Variants in SLC35F3 observed in about 807,000 individuals in gnomAD.
The protein encoded by SLC35F3 is putative thiamine transporter SLC35F3.
SLC35F3 carries 25 observed loss-of-function variants against 49.9 expected under a neutral mutation model. That is an observed-to-expected ratio of 0.50 (90% CI 0.37 to 0.70). The LOEUF (loss-of-function observed/expected upper bound fraction) is 0.70. Among genes scored for constraint, SLC35F3 ranks in the 30% least tolerant of loss-of-function variants. The pLI, the probability that SLC35F3 is intolerant of heterozygous loss-of-function variation, is 0.00. For synonymous variants in SLC35F3, 275 were observed against 265.4 expected (o/e 1.04, Z -0.35); for missense variants, 525 against 639.8 (o/e 0.82, Z 1.94).
intron 4 of SLC35F3, among the ~76,000 whole-genome samples, chr1:234,310,923 C>A (rs939452363): frequency 1.3e-5 from 2 of 152,182 alleles, no homozygotes; most frequent in African/African-American, 4.8e-5. Context: ...CAACCCCCCA[C>A]CCAAGAGTCA....
intron 2 of SLC35F3, among the ~76,000 whole-genome samples, chr1:233,921,450 T>C (rs1662057709): frequency 6.6e-6 from 1 of 152,186 alleles, no homozygotes; most frequent in Non-Finnish European, 1.5e-5. Flanking sequence ...ACACATTCTA[T>C]GGCTTTCTAC....
intron 2 of SLC35F3, among the ~76,000 whole-genome samples, chr1:234,082,644 C>T (rs1664896143): frequency 6.6e-6 from 1 of 152,046 alleles, no homozygotes; most frequent in Non-Finnish European, 1.5e-5. Flanking sequence ...AAGACATACC[C>T]AAGACTGGGT....
At chr1:234,273,728 G>T (rs1668149602) in intron 3 of SLC35F3, among the ~76,000 whole-genome samples, 1 of 152,136 alleles carries the variant, frequency 6.6e-6, no homozygotes, top group South Asian at 2.1e-4. Flanking sequence ...GAAGGAATCG[G>T]GGGCATCTGA....
chr1:234,028,231 G>A (rs576389300), intron 2 of SLC35F3, among the ~76,000 whole-genome samples: 12 of 152,306 alleles, frequency 7.9e-5, no homozygotes, highest in Admixed American at 5.2e-4. Flanking sequence ...CTGTGCCCCC[G>A]ATCCAGCTTC....
chr1:234,258,310 T>G (rs1667852219), intron 3 of SLC35F3, among the ~76,000 whole-genome samples: 1 of 152,126 alleles, frequency 6.6e-6, no homozygotes, highest in Non-Finnish European at 1.5e-5. Flanking sequence ...TCAATATGAG[T>G]CACAGGTCCA....
chr1:234,232,986 T>C (rs1667409640), intron 3 of SLC35F3, among the ~76,000 whole-genome samples: 1 of 152,194 alleles, frequency 6.6e-6, no homozygotes, highest in African/African-American at 2.4e-5. Flanking sequence ...GGAGCTTGAA[T>C]AGAATCACAT....
chr1:234,276,883 A>T (rs941917227), intron 3 of SLC35F3, among the ~76,000 whole-genome samples: 1 of 152,194 alleles, frequency 6.6e-6, no homozygotes, highest in Non-Finnish European at 1.5e-5. Context: ...CCTTGCTATA[A>T]ATAACATTTG....
intron 2 of SLC35F3, among the ~76,000 whole-genome samples, chr1:234,184,350 A>G (rs1267660403): frequency 3.3e-5 from 5 of 152,176 alleles, no homozygotes; most frequent in Admixed American, 6.5e-5. Context: ...TCAGTATTCA[A>G]ACTATTTTAT....
At chr1:234,130,499 CGTG>C (rs1184058668) in intron 2 of SLC35F3, among the ~76,000 whole-genome samples, 1 of 149,512 alleles carries the variant, frequency 6.7e-6, no homozygotes, top group African/African-American at 2.5e-5. Flanking sequence ...ATTAGCCAGG[CGTG>C]GTGGCGAGCA....
intron 2 of SLC35F3, among the ~76,000 whole-genome samples, chr1:234,053,833 C>A (rs1341947174): frequency 6.6e-6 from 1 of 152,134 alleles, no homozygotes; most frequent in Non-Finnish European, 1.5e-5. Flanking sequence ...GTAAGGCAGG[C>A]CTGGTGGTGA....
intron 2 of SLC35F3, among the ~76,000 whole-genome samples, chr1:234,074,293 C>G (rs1383405095): frequency 6.6e-6 from 1 of 152,338 alleles, no homozygotes; most frequent in East Asian, 1.9e-4. Context: ...TCTGGACCCA[C>G]TTCTTTCTCT....
chr1:234,222,531 A>G (rs1667222269), intron 2 of SLC35F3, among the ~76,000 whole-genome samples: 2 of 152,182 alleles, frequency 1.3e-5, no homozygotes, highest in South Asian at 4.1e-4. Flanking sequence ...TTAGAGGACC[A>G]GAGATGCCAT....
At chr1:234,077,665 A>T (rs1293591662) in intron 2 of SLC35F3, among the ~76,000 whole-genome samples, 2 of 152,150 alleles carry the variant, frequency 1.3e-5, no homozygotes, top group East Asian at 3.8e-4. Context: ...GCTACCACGG[A>T]TCAGGCACCC....
intron 3 of SLC35F3, among the ~76,000 whole-genome samples, chr1:234,237,025 A>G (rs112267037): frequency 0.022 from 3,275 of 147,740 alleles, 58 homozygotes; most frequent in Non-Finnish European, 0.037. Context: ...CTGTGAAGAC[A>G]GGGCACAGTA....
chr1:234,134,894 G>A (rs925530490), intron 2 of SLC35F3, among the ~76,000 whole-genome samples: 8 of 152,110 alleles, frequency 5.3e-5, no homozygotes. Context: ...GATAATTTTT[G>A]TATTTTTAGT....
At chr1:234,108,327 T>TTTATATATATGATATA (rs68094851) in intron 2 of SLC35F3, among the ~76,000 whole-genome samples, 1 of 122,516 alleles carries the variant, frequency 8.2e-6, no homozygotes, top group African/African-American at 3.1e-5. Context: ...AAGATATATA[T>TTTATATATATGATATA]TATTTATATA....
intron 2 of SLC35F3, among the ~76,000 whole-genome samples, chr1:233,960,321 G>A (rs1662774357): frequency 6.6e-6 from 1 of 152,126 alleles, no homozygotes; most frequent in South Asian, 2.1e-4. Context: ...CAGTGAGGAA[G>A]CTCCTCACTC....
chr1:234,032,940 T>C (rs186190005), intron 2 of SLC35F3, among the ~76,000 whole-genome samples: 12 of 152,322 alleles, frequency 7.9e-5, no homozygotes, highest in African/African-American at 2.9e-4. Context: ...GGAATCCCCA[T>C]ACTGTTTTCC....
In SLC35F3 at chr1:233,970,903, A is replaced by G. The variant is rs557020909; in HGVS notation, c.283+65145A>G. ...TTGTTATGGCAGTCCTAGCAAGCTAATAAGGATTTTAGACTGTGTTCAATT... is the reference window on the plus strand; with the variant it reads ...TTGTTATGGCAGTCCTAGCAAGCTAGTAAGGATTTTAGACTGTGTTCAATT... On this transcript the variant is annotated intron_variant, in intron 2 of 7. Coordinates refer to ENST00000366618, the MANE Select transcript of SLC35F3 (RefSeq NM_173508.4). 6.6e-5 allele frequency among the ~76,000 whole-genome samples: 10 copies of G among 152,356 alleles called. No individual in the cohort carries two copies. The East Asian group carries it at 1.9e-3, about 29-fold the overall frequency.
Sources: allele counts gnomAD v4.1 joint callset (sites outside exome capture counted in the v4.1 genomes callset), GRCh38; gene constraint gnomAD v4.1.1; transcripts MANE v1.5; gene names NCBI Gene and HGNC (gene_info 2026-07-23, HGNC 2026-07-21).